The following SPEF2 variants were observed in gnomAD, a reference collection of about 807,000 sequenced individuals.
SPEF2 encodes sperm flagellar and cilia associated 2, also known as sperm flagella and cilia-associated protein 2.
A neutral mutation model predicts 224.6 loss-of-function variants in SPEF2; 187 were observed. The observed-to-expected ratio is 0.83, with a 90% CI of 0.74 to 0.94. The LOEUF (loss-of-function observed/expected upper bound fraction) is 0.94. Among genes scored for constraint, SPEF2 ranks in the 40% least tolerant of loss-of-function variants. The pLI, the probability that SPEF2 is intolerant of heterozygous loss-of-function variation, is 0.00. For missense variants in SPEF2, 2,170 were observed against 2,135.6 expected, an observed-to-expected ratio of 1.02 and a Z score of -0.32; for synonymous variants, 715 against 707.3, an observed-to-expected ratio of 1.01 and a Z score of -0.17.
At chr5:35,813,424 T>C (rs947513493) in intron 36 of SPEF2, among the ~76,000 whole-genome samples, 2 of 152,088 alleles carry the variant, frequency 1.3e-5, no homozygotes, top group Admixed American at 1.3e-4. Context: ...CCTTGGAGAT[T>C]GAGGCTGCAG....
chr5:35,692,660 C>G lies in SPEF2; in HGVS notation c.1835C>G (p.Pro612Arg). The G allele has an allele frequency of 1.9e-6, 3 of 1,613,630 alleles. No homozygotes were observed. Among genetic ancestry groups the G allele is most frequent in the Non-Finnish European group, 2.5e-6 (3 of 1,179,756 alleles). The change falls in exon 12 of 37, where the codon CCA (proline) becomes CGA (arginine). Residue 612 changes from proline to arginine, a missense_variant. Physicochemically the swap from Pro to Arg is moderately radical, Grantham distance 103. Coordinates refer to ENST00000356031, the MANE Select transcript of SPEF2 (RefSeq NM_024867.4). ...HDNEKVSEVL[P>R]IQKNDEEDAL... ...AATGAAAAAGTCAGTGAGGTTCTAC[C>G]AATTCAGAAAAATGATGAAGAAGAT...
chr5:35,729,807 G>C (rs1349750742), intron 21 of SPEF2, among the ~76,000 whole-genome samples: 1 of 152,136 alleles, frequency 6.6e-6, no homozygotes. Context: ...TAGTGAACAA[G>C]TCTCACGAGA....
intron 20 of SPEF2, among the ~76,000 whole-genome samples, chr5:35,721,458 A>G (rs576131857): frequency 3.3e-5 from 5 of 152,290 alleles, no homozygotes; most frequent in African/African-American, 1.2e-4. Flanking sequence ...GGTTAGTTCC[A>G]TATGTGCCCA....
At chr5:35,746,522 A>T (rs1267880015) in intron 23 of SPEF2, among the ~76,000 whole-genome samples, 1 of 152,196 alleles carries the variant, frequency 6.6e-6, no homozygotes, top group African/African-American at 2.4e-5. Context: ...GAAACCTGAA[A>T]TGTTCTGGAA....
rs1035137702 is a variant in SPEF2, at chr5:35,676,067, G to A, written c.1524+5840G>A. On this transcript the variant is annotated intron_variant, in intron 10 of 36. Coordinates refer to ENST00000356031, the MANE Select transcript of SPEF2 (RefSeq NM_024867.4). ...GTTCAAGACGTTAGACCAGAATTGA[G>A]AAATGGTTTCCAAAAAGTTGGCAGC... 6 of 451,700 alleles carry A rather than the reference G, an allele frequency of 1.3e-5. No homozygotes were observed. The Admixed American group carries it at 1.4e-4, about 11-fold the overall frequency. The allele number at this position is 451,700 out of a possible 1,614,324, so 28.0% of individuals were successfully genotyped here. A position where few individuals can be genotyped will look rare whatever the true frequency, so the allele number is the denominator to read the frequency against.
In SPEF2 at chr5:35,708,954, A is replaced by G. The variant is rs1449131286; in HGVS notation, c.2672A>G (p.Lys891Arg). 11 of 1,606,772 alleles carry G rather than the reference A, an allele frequency of 6.8e-6. 1 individual carries two copies. The highest frequency in any genetic ancestry group is 6.7e-5 in the East Asian group (3 of 44,830). Residue 891 changes from lysine to arginine, a missense_variant, in exon 19 of 37, where the codon AAG (lysine) becomes AGG (arginine). Lys to Arg is a conservative substitution (Grantham distance 26). Coordinates refer to ENST00000356031, the MANE Select transcript of SPEF2 (RefSeq NM_024867.4). ...EIAKKKNKVE[K>R]KLEEKEAEKK... ...TCTTATCATCCTTTTGAAGTTGAGA[A>G]GAAATTAGAAGAAAAGGAAGCTGAG...
At chr5:35,770,493 T>C (rs1752678822) in intron 26 of SPEF2, among the ~76,000 whole-genome samples, 1 of 152,108 alleles carries the variant, frequency 6.6e-6, no homozygotes, top group Admixed American at 6.6e-5. Context: ...TTGACCAACA[T>C]CTCCCCTTTC....
chr5:35,656,106 T>G lies in SPEF2; in HGVS notation c.978+1380T>G, dbSNP rs61309270. ...GATGAAAAATTGGATTTCTAGGTTG[T>G]GCACCTGGATGGCTGGAGGTGTAAT... is the stretch of plus-strand genomic sequence containing the variant. On this transcript the variant is annotated intron_variant, in intron 7 of 36. Transcript: ENST00000356031. Among the ~76,000 whole-genome samples the G allele has an allele frequency of 7.0e-3, 1,064 of 152,256 alleles. 15 individuals are homozygous for G. The highest frequency in any genetic ancestry group is 0.025 in the African/African-American group (1,030 of 41,542).
intron 9 of SPEF2, among the ~76,000 whole-genome samples, chr5:35,668,851 G>T (rs2149476004): frequency 6.6e-6 from 1 of 152,078 alleles, no homozygotes; most frequent in Middle Eastern, 3.4e-3. Flanking sequence ...GCCATAGAAT[G>T]TCTACAAATG....
At chr5:35,798,227 T>C (rs563705844) in intron 33 of SPEF2, among the ~76,000 whole-genome samples, 1 of 152,134 alleles carries the variant, frequency 6.6e-6, no homozygotes, top group South Asian at 2.1e-4. Context: ...TCCGTGGCTC[T>C]GTGTTTTACT....
At chr5:35,811,100 A>AT (rs62801060) in intron 36 of SPEF2, among the ~76,000 whole-genome samples, 3 of 150,456 alleles carry the variant, frequency 2.0e-5, no homozygotes, top group African/African-American at 7.3e-5. Flanking sequence ...TAAAAAAAAA[A>AT]ATAATAAATA....
At position 35,800,009 on chromosome 5, in the gene SPEF2, C is replaced by T. The variant is rs746969310; in HGVS notation, c.4872C>T (p.Pro1624=). 6.2e-7 allele frequency: 1 copy of T among 1,614,004 alleles called. No homozygotes were observed. The highest frequency in any genetic ancestry group is 1.1e-5 in the South Asian group (1 of 91,052). Residue 1624 remains proline, a synonymous_variant, in exon 34 of 37, where the codon CCC becomes CCT. Coordinates refer to ENST00000356031, the MANE Select transcript of SPEF2 (RefSeq NM_024867.4). ...TTGCTGACTATGAGAAGGATCCACC[C>T]CAGCTTGACTACACACAGATGCTGC... ...RLFADYEKDP[P]QLDYTQMLLY... is the part of the protein sequence containing the mutation.
intron 21 of SPEF2, among the ~76,000 whole-genome samples, chr5:35,734,308 C>G (rs1354535100): frequency 6.6e-6 from 1 of 152,212 alleles, no homozygotes; most frequent in Admixed American, 6.5e-5. Flanking sequence ...ACCACAGTGC[C>G]TTTGCATCTG....
intron 17 of SPEF2, among the ~76,000 whole-genome samples, chr5:35,705,016 T>C (rs1182384564): frequency 6.6e-6 from 1 of 152,106 alleles, no homozygotes; most frequent in African/African-American, 2.4e-5. Context: ...GTAAACTACT[T>C]CTATTTTGCT....
At position 35,728,080 on chromosome 5, in the gene SPEF2, T is replaced by C. The variant is rs149257226; in HGVS notation, c.3063+257T>C. 5.3e-5 allele frequency among the ~76,000 whole-genome samples: 8 copies of C among 152,260 alleles called. No individual in the cohort carries two copies. The East Asian group carries it at 1.4e-3, about 26-fold the overall frequency. ...TGGGTTCTGTGAGGAACAATTTTCT[T>C]CTCAAGAACACACAGAGATGCAGAT... On this transcript the variant is annotated intron_variant, in intron 21 of 36. Transcript: ENST00000356031.
At chr5:35,737,802 A>G (rs528017362) in intron 21 of SPEF2, among the ~76,000 whole-genome samples, 1 of 152,252 alleles carries the variant, frequency 6.6e-6, no homozygotes, top group South Asian at 2.1e-4. Flanking sequence ...GACTTCCACA[A>G]TGGTTGAACT....
intron 21 of SPEF2, among the ~76,000 whole-genome samples, chr5:35,729,153 T>C (rs1014508880): frequency 3.9e-5 from 6 of 151,934 alleles, no homozygotes; most frequent in Admixed American, 2.6e-4. Flanking sequence ...CGGGATTCTA[T>C]AGAAAACATG....
rs763016137 is a variant in SPEF2 at position 35,709,017 on chromosome 5, C to T, written c.2735C>T (p.Pro912Leu). 14 of 1,613,824 alleles carry T rather than the reference C, an allele frequency of 8.7e-6. No homozygotes were observed. The highest frequency in any genetic ancestry group is 1.1e-5 in the South Asian group (1 of 91,004). Residue 912 changes from proline (P) to leucine (L), a missense_variant, in exon 19 of 37, where the codon CCT becomes CTT. Transcript: ENST00000356031. ...GCTTCCCTGGCTGAGCTTCCACTTC[C>T]TACACCTCCTCCTGCTCCTCCTCCT... Reference protein sequence around the residue: ...AAASLAELPLPTPPPAPPPEP... With the variant: ...AAASLAELPLLTPPPAPPPEP...
intron 26 of SPEF2, among the ~76,000 whole-genome samples, chr5:35,766,772 T>C (rs2149769492): frequency 6.6e-6 from 1 of 152,100 alleles, no homozygotes; most frequent in Non-Finnish European, 1.5e-5. Context: ...ACACATTTGC[T>C]ACTCTAAAGT....
Sources: allele counts gnomAD v4.1 joint callset (sites outside exome capture counted in the v4.1 genomes callset), GRCh38; gene constraint gnomAD v4.1.1; transcripts MANE v1.5; gene names NCBI Gene and HGNC (gene_info 2026-07-23, HGNC 2026-07-21).